Variants in ABCB8 observed in about 807,000 individuals in gnomAD.
ABCB8 encodes ATP binding cassette subfamily B member 8, also known as mitochondrial potassium channel ATP-binding subunit.
ABCB8 carries 52 observed loss-of-function variants against 73.0 expected under a neutral mutation model. That is an observed-to-expected ratio of 0.71 (90% CI 0.57 to 0.90). The LOEUF is 0.90. Among genes scored for constraint, ABCB8 ranks in the 40% least tolerant of loss-of-function variants. The pLI, the probability that ABCB8 is intolerant of heterozygous loss-of-function variation, is 0.00. For missense variants in ABCB8, 909 were observed against 974.6 expected (o/e 0.93, Z 0.90); for synonymous variants, 428 against 423.5 (o/e 1.01, Z -0.13).
chr7:151,044,685 A>C (rs1445138187), intron 15 of ABCB8, among the ~76,000 whole-genome samples: 1 of 152,242 alleles, frequency 6.6e-6, no homozygotes, highest in Non-Finnish European at 1.5e-5. Flanking sequence ...TTGAGGCTGC[A>C]GTGAACAATG....
chr7:151,028,523 T>C lies in ABCB8; in HGVS notation c.8T>C (p.Val3Ala). ML[V>A]HLFRVGIRGG... is the part of the protein sequence containing the mutation. ...CTGTTTTACCGCGTCAGCATGCTGG[T>C]GCATTTATTTCGGGTCGGGATTCGG... The change falls in exon 1 of 16, where the codon GTG (valine) becomes GCG (alanine). Residue 3 changes from valine (V) to alanine (A), a missense_variant. By Grantham distance (64) the Val-to-Ala change is moderately conservative. Transcript: ENST00000358849. The C allele has an allele frequency of 6.2e-7, 1 of 1,613,546 alleles. No individual in the cohort carries two copies. Among genetic ancestry groups the C allele is most frequent in the Non-Finnish European group, 8.5e-7 (1 of 1,179,856 alleles).
Position 151,041,458 on chromosome 7 carries a change from G to A in ABCB8, c.1617+226G>A, listed in dbSNP as rs118047653. On this transcript the variant is annotated intron_variant, in intron 13 of 15. Coordinates refer to ENST00000358849, the MANE Select transcript of ABCB8 (RefSeq NM_007188.5). ...CTCCCAGAGCAGGGACGCTTTGTCC[G>A]CATTTACAGCAGTCTACACAGATGG... is the stretch of plus-strand genomic sequence containing the variant. Among the ~76,000 whole-genome samples, 340 of 152,364 alleles carry A rather than the reference G, an allele frequency of 2.2e-3. 14 individuals are homozygous for A. In the East Asian group the frequency reaches 0.055, roughly 25 times the overall value.
chr7:151,028,652 C>G, intron 1 of ABCB8, 42 bp downstream of exon 1: 1 of 1,591,260 alleles, frequency 6.3e-7, no homozygotes, highest in Non-Finnish European at 8.5e-7. Context: ...CATTGACCGC[C>G]CGGCAGGGCA....
intron 14 of ABCB8, among the ~76,000 whole-genome samples, 180 bp downstream of exon 14, chr7:151,042,288 G>A (rs530513749): frequency 6.6e-6 from 1 of 152,202 alleles, no homozygotes; most frequent in African/African-American, 2.4e-5. Flanking sequence ...GGGGACAGGG[G>A]AGTCCAGGCC....
rs1188779330 is a variant in ABCB8, at chr7:151,034,435, C to T, written c.564+7C>T. ...TATCCTCTATGGTGTCCAGGTACAGCCGGGAGTGGGGCTGGGGACCGCCGA... is the reference window on the plus strand; with the variant it reads ...TATCCTCTATGGTGTCCAGGTACAGTCGGGAGTGGGGCTGGGGACCGCCGA... On this transcript the variant is annotated splice_region_variant and intron_variant, in intron 3 of 15. Transcript: ENST00000358849. 1.2e-6 allele frequency: 2 copies of T among 1,613,746 alleles called. No individual in the cohort carries two copies. The highest frequency in any genetic ancestry group is 1.3e-5 in the African/African-American group (1 of 74,912).
intron 9 of ABCB8, chr7:151,039,185 C>T (rs1305721210): frequency 6.6e-6 from 1 of 152,344 alleles, no homozygotes; most frequent in African/African-American, 2.4e-5. Context: ...AGTTGCTGCC[C>T]AGCCCCTTTG....
chr7:151,036,574 G>T lies in ABCB8; in HGVS notation c.1142G>T (p.Gly381Val). 6.2e-7 allele frequency: 1 copy of T among 1,614,052 alleles called. No individual in the cohort carries two copies. Among genetic ancestry groups the T allele is most frequent in the Non-Finnish European group, 8.5e-7 (1 of 1,179,954 alleles). ...GTCTTGGGTACCCTATTTATTGGGG[G>T]CTCCCTTGTGGCCGGACAGCAGCTG... The part of the protein sequence containing the change: ...CMVLGTLFIG[G>V]SLVAGQQLTG... Residue 381 changes from glycine (G) to valine (V), a missense_variant, in exon 9 of 16, where the codon GGC becomes GTC. By Grantham distance (109) the Gly-to-Val change is moderately radical (BLOSUM62 -3). Transcript: ENST00000358849.
chr7:151,035,551 T>C (rs1272563501), intron 5 of ABCB8, 30 bp from the exon 6 acceptor site: 1 of 1,565,100 alleles, frequency 6.4e-7, no homozygotes, highest in Admixed American at 1.8e-5. Flanking sequence ...GCGGACGCCG[T>C]AGCCTCCCGC....
rs548650220 is a variant in ABCB8 at position 151,040,357 on chromosome 7, G to A, written c.1251+56G>A. 2.7e-5 allele frequency: 44 copies of A among 1,603,258 alleles called. No homozygotes were observed. In the African/African-American group the frequency reaches 4.3e-4, roughly 16 times the overall value. On this transcript the variant is annotated intron_variant, in intron 10 of 15. Coordinates refer to ENST00000358849, the MANE Select transcript of ABCB8 (RefSeq NM_007188.5). ...GTGTGGAGTTTGTGCCGTGTGTGCC[G>A]CTGTGGGAGCTGCCTATTGACTGGG...
chr7:151,036,734 T>G, intron 9 of ABCB8, 85 bp downstream of exon 9: 1 of 1,188,096 alleles, frequency 8.4e-7, no homozygotes, highest in Non-Finnish European at 1.2e-6. Context: ...GTGCCAGCCT[T>G]CTCTGGGGGC....
chr7:151,032,346 A>G (rs565044221), intron 1 of ABCB8, among the ~76,000 whole-genome samples: 2 of 152,332 alleles, frequency 1.3e-5, no homozygotes, highest in South Asian at 4.1e-4. Context: ...GAGTTACTTC[A>G]GCTGTCATGT....
Position 151,034,357 on chromosome 7 carries a change from G to T in ABCB8, c.493G>T (p.Asp165Tyr). 1 of 1,613,908 alleles carries T rather than the reference G, an allele frequency of 6.2e-7. No homozygotes were observed. Among genetic ancestry groups the T allele is most frequent in the Non-Finnish European group, 8.5e-7 (1 of 1,180,004 alleles). ...LVEVVAKYTR[D>Y]HVGSFMTESQ... The stretch of plus-strand genomic sequence containing the variant: ...AGAGGTCGTGGCCAAGTACACAAGG[G>T]ACCACGTAGGGAGTTTCATGACTGA... The change falls in exon 3 of 16, where the codon GAC becomes TAC. Residue 165 changes from aspartate (D) to tyrosine (Y), a missense_variant. Transcript: ENST00000358849.
In ABCB8 at chr7:151,034,441, G is replaced by A. The variant is rs1354166092; in HGVS notation, c.564+13G>A. 2 of 1,613,878 alleles carry A rather than the reference G, an allele frequency of 1.2e-6. No individual in the cohort carries two copies. The highest frequency in any genetic ancestry group is 1.7e-6 in the Non-Finnish European group (2 of 1,179,988). Reference sequence around the variant, plus strand: ...CTATGGTGTCCAGGTACAGCCGGGAGTGGGGCTGGGGACCGCCGAGGAGCC... The same window carrying A: ...CTATGGTGTCCAGGTACAGCCGGGAATGGGGCTGGGGACCGCCGAGGAGCC... On this transcript the variant is annotated intron_variant, in intron 3 of 15. Coordinates refer to ENST00000358849, the MANE Select transcript of ABCB8 (RefSeq NM_007188.5).
Position 151,040,565 on chromosome 7 carries a change from T to C in ABCB8, c.1319T>C (p.Leu440Pro), listed in dbSNP as rs1390941200. The change falls in exon 11 of 16, where the codon CTG (leucine) becomes CCG (proline). Residue 440 changes from leucine to proline, a missense_variant. Leu to Pro is a moderately conservative substitution (Grantham distance 98). Transcript: ENST00000358849. The stretch of plus-strand genomic sequence containing the variant: ...ATGGCCCTGAACCCCTGCATCCCAC[T>C]GTCTGGGGGCTGCTGCGTCCCCAAA... ...EYMALNPCIP[L>P]SGGCCVPKEQ... The C allele has an allele frequency of 6.2e-7, 1 of 1,613,418 alleles. No individual in the cohort carries two copies. Among genetic ancestry groups the C allele is most frequent in the East Asian group, 2.2e-5 (1 of 44,870 alleles).
chr7:151,033,045 T>A (rs2117206973), intron 1 of ABCB8: 1 of 456,670 alleles, frequency 2.2e-6, no homozygotes, highest in East Asian at 7.0e-5. Flanking sequence ...CTCCACATGA[T>A]TTTTTTCATC....
intron 2 of ABCB8, 120 bp downstream of exon 2, chr7:151,034,037 A>G (rs1421945430): frequency 2.3e-6 from 3 of 1,303,666 alleles, no homozygotes; most frequent in Admixed American, 5.5e-5. Flanking sequence ...AGGGCTAGCC[A>G]GGGGTCCAGG....
Position 151,033,592 on chromosome 7 carries a change from T to G in ABCB8, c.96-13T>G. The G allele has an allele frequency of 6.5e-7, 1 of 1,539,828 alleles. No individual in the cohort carries two copies. The highest frequency in any genetic ancestry group is 8.8e-7 in the Non-Finnish European group (1 of 1,140,322). Reference sequence around the variant, plus strand: ...CGGAGCCTCAAGCCATCCATGCCTCTCTCTCCTTACAGGTACTCTGATGGC... The same window carrying G: ...CGGAGCCTCAAGCCATCCATGCCTCGCTCTCCTTACAGGTACTCTGATGGC... On this transcript the variant is annotated splice_polypyrimidine_tract_variant and intron_variant, in intron 1 of 15. Coordinates refer to ENST00000358849, the MANE Select transcript of ABCB8 (RefSeq NM_007188.5).
intron 14 of ABCB8, 123 bp downstream of exon 14, chr7:151,042,231 G>A: frequency 7.0e-7 from 1 of 1,432,222 alleles, no homozygotes. Flanking sequence ...AGACAGTTGT[G>A]TCAGGGAAGA....
At position 151,028,525 on chromosome 7, in the gene ABCB8, C is replaced by T; in HGVS notation, c.10C>T (p.His4Tyr). The change falls in exon 1 of 16, where the codon CAT becomes TAT. Residue 4 changes from histidine to tyrosine, a missense_variant. Coordinates refer to ENST00000358849, the MANE Select transcript of ABCB8 (RefSeq NM_007188.5). ...GTTTTACCGCGTCAGCATGCTGGTG[C>T]ATTTATTTCGGGTCGGGATTCGGGG... MLV[H>Y]LFRVGIRGGP... 6.2e-7 allele frequency: 1 copy of T among 1,613,598 alleles called. No homozygotes were observed. The highest frequency in any genetic ancestry group is 8.5e-7 in the Non-Finnish European group (1 of 1,179,866).
Sources: allele counts gnomAD v4.1 joint callset (sites outside exome capture counted in the v4.1 genomes callset), GRCh38; gene constraint gnomAD v4.1.1; transcripts MANE v1.5; gene names NCBI Gene and HGNC (gene_info 2026-07-23, HGNC 2026-07-21).